The following ARSL variants were observed in gnomAD, a reference collection of about 807,000 sequenced individuals.
ARSL encodes the protein arylsulfatase E (chondrodysplasia punctata 1).
A neutral mutation model predicts 31.1 loss-of-function variants in ARSL; 4 were observed. That is an observed-to-expected ratio of 0.13 (90% CI 0.06 to 0.29). The LOEUF (loss-of-function observed/expected upper bound fraction) is 0.29, where lower values mean the gene tolerates loss of function less well. Ranked by LOEUF, ARSL falls within the 10% of genes least tolerant of loss-of-function variation. The pLI, the probability that ARSL is intolerant of heterozygous loss-of-function variation, is 1.00. For synonymous variants in ARSL, 198 were observed against 209.9 expected, an observed-to-expected ratio of 0.94 and a Z score of 0.49; for missense variants, 312 against 497.8, an observed-to-expected ratio of 0.63 and a Z score of 3.55.
chrX:2,964,552 A>G, upstream of ARSL: 8 of 629,200 alleles, frequency 1.3e-5, no homozygotes, highest in Non-Finnish European at 1.5e-5. Flanking sequence ...CCTGAGCTCC[A>G]GTGATCTGCC....
In ARSL at chrX:2,957,047, C is replaced by T. The variant is rs191908046; in HGVS notation, c.185+1227G>A. On this transcript the variant is annotated intron_variant, in intron 3 of 10. Transcript: ENST00000381134. ...CCATCCTGGCTAACATGATGAAACC[C>T]CGTCTCTATTAAAAATACAAAAAAT... Among the ~76,000 whole-genome samples the T allele has an allele frequency of 3.3e-3, 355 of 106,189 alleles. 3 individuals are homozygous for T. The highest frequency in any genetic ancestry group is 0.012 in the African/African-American group (345 of 29,153). 92.2% of individuals were successfully genotyped at this position (106,189 alleles called of 115,157 possible).
intron 3 of ARSL, among the ~76,000 whole-genome samples, chrX:2,957,708 C>CAAAAA (rs761423845): frequency 3.7e-5 from 2 of 53,997 alleles, no homozygotes; most frequent in African/African-American, 6.3e-5. Context: ...GATTCTGTCT[C>CAAAAA]AAAAAAAAAA....
rs762087807 is a variant in ARSL, at chrX:2,943,196, C to T, written c.995G>A (p.Arg332Gln). ...CTCCACGTCCAAAGTGTCAAGGATC[C>T]GTCCTGCAAAGAACAGATGTTTTTG... ...NVEEMDWMVG[R>Q]ILDTLDVEGL... The change falls in exon 8 of 11, where the codon CGG (arginine) becomes CAG (glutamine). Residue 332 changes from arginine to glutamine, a missense_variant. Transcript: ENST00000381134. 9.1e-6 allele frequency: 11 copies of T among 1,210,219 alleles called. No homozygotes were observed. Among genetic ancestry groups the T allele is most frequent in the East Asian group, 3.0e-5 (1 of 33,825 alleles).
intron 2 of ARSL, among the ~76,000 whole-genome samples, chrX:2,960,128 G>A (rs1485356209): frequency 4.4e-5 from 4 of 90,674 alleles, no homozygotes; most frequent in African/African-American, 1.2e-4. Context: ...AATTAGCCGG[G>A]CGTGGTGGCA....
intron 1 of ARSL, among the ~76,000 whole-genome samples, chrX:2,963,890 T>G (rs1418846923): frequency 3.6e-5 from 4 of 110,442 alleles, no homozygotes; most frequent in Non-Finnish European, 5.7e-5. Context: ...AGTAAAAATA[T>G]GAATATTTTT....
intron 6 of ARSL, 116 bp from the exon 7 acceptor site, chrX:2,946,250 C>G: frequency 3.0e-6 from 2 of 666,929 alleles, no homozygotes; most frequent in Non-Finnish European, 4.5e-6. Flanking sequence ...GTCTTCTCAA[C>G]TCTGCTCACC....
chrX:2,967,265 C>G (rs2089706989), upstream of ARSL, among the ~76,000 whole-genome samples: 1 of 111,818 alleles, frequency 8.9e-6, no homozygotes, highest in African/African-American at 3.3e-5. Context: ...AGTCTGTGGC[C>G]TACCTCTGAA....
chrX:2,948,324 A>T (rs964968489), intron 6 of ARSL, among the ~76,000 whole-genome samples: 1 of 111,381 alleles, frequency 9.0e-6, no homozygotes, highest in Non-Finnish European at 1.9e-5. Context: ...CATAAAATTG[A>T]CCGCAGGCTG....
intron 7 of ARSL, among the ~76,000 whole-genome samples, chrX:2,944,226 C>G (rs12392879): frequency 9.2e-6 from 1 of 108,423 alleles, no homozygotes; most frequent in Non-Finnish European, 1.9e-5. Context: ...GAGGCTGAGG[C>G]GGGCGGATCA....
Position 2,963,533 on chromosome X carries a change from CT to C in ARSL, c.-21+690del, listed in dbSNP as rs769134287. On this transcript the variant is annotated intron_variant, in intron 1 of 10. Transcript: ENST00000381134. ...TTTTTCTAATTTTTCTTTTCTTTTC[CT>C]TTTTTTTTTTTTTTTTTTTTTTTTG... 9.2e-3 allele frequency among the ~76,000 whole-genome samples: 547 copies of C among 59,775 alleles called. 1 individual carries two copies. The highest frequency in any genetic ancestry group is 0.027 in the African/African-American group (359 of 13,138). The allele number at this position is 59,775 out of a possible 115,157, so 51.9% of individuals were successfully genotyped here.
intron 6 of ARSL, among the ~76,000 whole-genome samples, chrX:2,946,416 G>A (rs1250528219): frequency 1.0e-5 from 1 of 96,704 alleles, no homozygotes; most frequent in East Asian, 3.2e-4. Flanking sequence ...TCAGCTCACT[G>A]CAGCCTCAAT....
intron 8 of ARSL, among the ~76,000 whole-genome samples, chrX:2,942,561 G>A (rs932568768): frequency 1.8e-5 from 2 of 110,464 alleles, no homozygotes; most frequent in Non-Finnish European, 3.8e-5. Context: ...CAAAGTGCTG[G>A]GATTACAGGC....
chrX:2,963,818 A>G (rs2089672830), intron 1 of ARSL, among the ~76,000 whole-genome samples: 1 of 109,270 alleles, frequency 9.2e-6, no homozygotes, highest in African/African-American at 3.3e-5. Flanking sequence ...TGCTGGGATT[A>G]CAGACGTGAG....
intron 8 of ARSL, among the ~76,000 whole-genome samples, chrX:2,941,325 G>T (rs776554329): frequency 1.9e-4 from 20 of 105,070 alleles, no homozygotes; most frequent in African/African-American, 7.1e-4. Context: ...CACAGTCTTG[G>T]CTCACTGCAA....
rs188016407 is a variant in ARSL at position 2,937,564 on chromosome X, G to A, written c.1289+531C>T. On this transcript the variant is annotated intron_variant, in intron 9 of 10. Transcript: ENST00000381134. ...TTAGGATTAAACAAGTTTTATTGGG[G>A]ATCTGAAGGAACTCCCCAGACCTCC... Among the ~76,000 whole-genome samples, 58 of 110,699 alleles carry A rather than the reference G, an allele frequency of 5.2e-4. 1 individual carries two copies. Among genetic ancestry groups the A allele is most frequent in the Admixed American group, 8.7e-4 (9 of 10,314 alleles).
Position 2,935,137 on chromosome X carries a change from C to G in ARSL, c.1465G>C (p.Ala489Pro). The G allele has an allele frequency of 1.7e-6, 2 of 1,211,651 alleles. No individual in the cohort carries two copies. Among genetic ancestry groups the G allele is most frequent in the Non-Finnish European group, 2.2e-6 (2 of 895,497 alleles). Reference sequence around the variant, plus strand: ...ACCTTTCTTCCATAGCAGGCACCGGCTCCCTCTGGCTGGAACACAGGCGTC... The same window carrying G: ...ACCTTTCTTCCATAGCAGGCACCGGGTCCCTCTGGCTGGAACACAGGCGTC... ...FVTPVFQPEGAGACYGRKVCP... is the reference protein window; with the variant it reads ...FVTPVFQPEGPGACYGRKVCP... The change falls in exon 11 of 11, where the codon GCC becomes CCC. Residue 489 changes from alanine (A) to proline (P), a missense_variant. Transcript: ENST00000381134.
At chrX:2,965,825 C>T (rs1414099260), upstream of ARSL, among the ~76,000 whole-genome samples, 3 of 112,009 alleles carry the variant, frequency 2.7e-5, no homozygotes, top group South Asian at 3.7e-4. Flanking sequence ...CGCTTGAACC[C>T]GGGAGACGGA....
At chrX:2,963,470 G>A (rs1376622378) in intron 1 of ARSL, among the ~76,000 whole-genome samples, 1 of 108,055 alleles carries the variant, frequency 9.3e-6, no homozygotes. Flanking sequence ...GCCCAGCAGT[G>A]GTTTATCTCT....
At chrX:2,960,340 A>G (rs906681683) in intron 2 of ARSL, 38 bp downstream of exon 2, 39 of 835,564 alleles carry the variant, frequency 4.7e-5, no homozygotes, top group Non-Finnish European at 6.1e-5. Flanking sequence ...GAAAGAAAGA[A>G]AGGAGACTAC....
Sources: gnomAD v4.1 joint callset for allele counts (sites outside exome capture counted in the v4.1 genomes callset) on GRCh38, gnomAD v4.1.1 for gene constraint, MANE v1.5 for transcripts, NCBI Gene and HGNC (gene_info 2026-07-23, HGNC 2026-07-21) for gene names.